Variants in RAD51 observed in about 807,000 individuals in gnomAD.
RAD51 encodes RAD51 recombinase.
A neutral mutation model predicts 41.5 loss-of-function variants in RAD51; 14 were observed. The observed-to-expected ratio is 0.34, with a 90% CI of 0.22 to 0.53. The LOEUF is 0.53. RAD51 is among the 20% of genes least tolerant of loss of function. The pLI is 0.95. For missense variants in RAD51, 234 were observed against 422.0 expected (o/e 0.55, Z 3.90); for synonymous variants, 136 against 148.6 (o/e 0.92, Z 0.62).
At chr15:40,718,944 A>G (rs769027039) in intron 6 of RAD51, 45 bp downstream of exon 6, 2 of 1,511,070 alleles carry the variant, frequency 1.3e-6, no homozygotes, top group Admixed American at 3.3e-5. Context: ...TACACTTATC[A>G]ATGTAGTGAT....
At chr15:40,701,299 C>T (rs529718860) in intron 3 of RAD51, 98 bp downstream of exon 3, 1 of 1,338,854 alleles carries the variant, frequency 7.5e-7, no homozygotes, top group African/African-American at 1.4e-5. Context: ...ATTCTTCGGT[C>T]ATCTCATTAT....
upstream of RAD51, chr15:40,694,890 GCGTTGC>G (rs1248184606): frequency 6.6e-6 from 1 of 152,186 alleles, no homozygotes; most frequent in Admixed American, 6.5e-5. Context: ...AGGAGTAGGG[GCGTTGC>G]CGTGGTTAGC....
intron 8 of RAD51, 25 bp from the exon 9 acceptor site, chr15:40,729,828 T>C (rs1567055883): frequency 5.0e-6 from 8 of 1,614,194 alleles, no homozygotes; most frequent in Non-Finnish European, 6.8e-6. Context: ...GGCCACAAAA[T>C]TGACATTTAT....
intron 6 of RAD51, among the ~76,000 whole-genome samples, chr15:40,720,377 C>T (rs57936990): frequency 0.098 from 14,844 of 151,980 alleles, 789 homozygotes; most frequent in East Asian, 0.15. Context: ...GCCACTGCAC[C>T]CGGCCTTAAT....
At chr15:40,696,614 C>A (rs558361060) in intron 1 of RAD51, among the ~76,000 whole-genome samples, 1 of 152,320 alleles carries the variant, frequency 6.6e-6, no homozygotes, top group Admixed American at 6.5e-5. Flanking sequence ...CCTCAGAAGC[C>A]TTCCTGTGTA....
intron 5 of RAD51, among the ~76,000 whole-genome samples, chr15:40,709,912 C>T (rs1895581729): frequency 6.6e-6 from 1 of 151,738 alleles, no homozygotes; most frequent in Non-Finnish European, 1.5e-5. Flanking sequence ...CCTGTAATCC[C>T]AGTACTTTGG....
intron 3 of RAD51, among the ~76,000 whole-genome samples, chr15:40,702,830 T>C (rs1026641741): frequency 1.1e-4 from 16 of 151,476 alleles, no homozygotes; most frequent in Admixed American, 2.6e-4. Context: ...TTTTTTTTTT[T>C]TTAAAGAAAA....
intron 3 of RAD51, chr15:40,701,776 ATTTTTTTT>A (rs35383252): frequency 2.5e-4 from 34 of 134,828 alleles, no homozygotes; most frequent in Middle Eastern, 3.0e-3. Flanking sequence ...TATAAAGCAG[ATTTTTTTT>A]TTTTTTTTTT....
At chr15:40,708,573 G>GTTTA (rs1376891888) in intron 4 of RAD51, among the ~76,000 whole-genome samples, 9 of 149,870 alleles carry the variant, frequency 6.0e-5, no homozygotes, top group African/African-American at 2.2e-4. Context: ...AATACTTTTG[G>GTTTA]TTTATTTGTT....
At chr15:40,730,065 A>C in intron 9 of RAD51, 91 bp downstream of exon 9, 2 of 1,522,634 alleles carry the variant, frequency 1.3e-6, no homozygotes, top group Non-Finnish European at 1.8e-6. Context: ...AAGCCCTGTT[A>C]AAGCTACTGT....
chr15:40,718,796 T>C lies in RAD51; in HGVS notation c.436-9T>C. On this transcript the variant is annotated splice_polypyrimidine_tract_variant and intron_variant, in intron 5 of 9. Coordinates refer to ENST00000267868, the MANE Select transcript of RAD51 (RefSeq NM_002875.5). ...TGTTCATTTCTACTGTTGTTTTTGT[T>C]CTCTATAGCTTCCCATTGACCGGGG... 6.3e-7 allele frequency: 1 copy of C among 1,593,462 alleles called. No individual in the cohort carries two copies. Among genetic ancestry groups the C allele is most frequent in the Non-Finnish European group, 8.6e-7 (1 of 1,161,346 alleles).
chr15:40,697,679 G>A (rs1024379926), intron 1 of RAD51, among the ~76,000 whole-genome samples: 1 of 142,780 alleles, frequency 7.0e-6, no homozygotes, highest in Non-Finnish European at 1.5e-5. Flanking sequence ...CTGGGTTCAC[G>A]CCATTCTCCT....
intron 5 of RAD51, among the ~76,000 whole-genome samples, chr15:40,714,154 C>A (rs1895869432): frequency 6.6e-6 from 1 of 151,864 alleles, no homozygotes; most frequent in Non-Finnish European, 1.5e-5. Flanking sequence ...GAAGAAAGAG[C>A]TGAGGGGGAG....
In RAD51 at chr15:40,723,330, A is replaced by G. The variant is rs149781160; in HGVS notation, c.530+4431A>G. Among the ~76,000 whole-genome samples, 288 of 152,282 alleles carry G rather than the reference A, an allele frequency of 1.9e-3. 2 individuals are homozygous for G. The highest frequency in any genetic ancestry group is 6.7e-3 in the African/African-American group (279 of 41,566). On this transcript the variant is annotated intron_variant, in intron 6 of 9. Transcript: ENST00000267868. ...TATAAATTTACCATATGATGCAGCAATTTCACTCTAGTTATATACCCCAAG... is the reference window on the plus strand; with the variant it reads ...TATAAATTTACCATATGATGCAGCAGTTTCACTCTAGTTATATACCCCAAG...
chr15:40,695,427 T>A lies in RAD51; in HGVS notation c.-3+2T>A, dbSNP rs1567034639. ...GAGAGAGGAGCGCTGCGGACCGAGG[T>A]GAGTGTGTGAGGCGCAGGCTGGGCC... On this transcript the variant is annotated splice_donor_variant, in intron 1 of 9. Coordinates refer to ENST00000267868, the MANE Select transcript of RAD51 (RefSeq NM_002875.5). LOFTEE classifies it low-confidence loss of function (5UTR_SPLICE). The A allele has an allele frequency of 6.6e-6, 1 of 151,728 alleles. No homozygotes were observed. The highest frequency in any genetic ancestry group is 2.4e-5 in the African/African-American group (1 of 41,180). The allele number at this position is 151,728 out of a possible 1,614,324, so 9.4% of individuals were successfully genotyped here.
chr15:40,701,271 T>C lies in RAD51; in HGVS notation c.225+70T>C, dbSNP rs45520145. 2.9e-5 allele frequency: 45 copies of C among 1,527,924 alleles called. No individual in the cohort carries two copies. In the Admixed American group the frequency reaches 7.4e-4, roughly 25 times the overall value. The allele number at this position is 1,527,924 out of a possible 1,614,324, so 94.6% of individuals were successfully genotyped here. ...TACAAAAGGGAATGTAGTGAAAGAC[T>C]TCTTCCTTCTATCTCTTATTCTTCG... On this transcript the variant is annotated intron_variant, in intron 3 of 9. Coordinates refer to ENST00000267868, the MANE Select transcript of RAD51 (RefSeq NM_002875.5).
chr15:40,723,926 G>A (rs1387006573), intron 6 of RAD51, among the ~76,000 whole-genome samples: 1 of 152,174 alleles, frequency 6.6e-6, no homozygotes, highest in African/African-American at 2.4e-5. Flanking sequence ...AGGGTCAAAT[G>A]TGGTAATTTA....
intron 2 of RAD51, 92 bp downstream of exon 2, chr15:40,698,937 T>C: frequency 1.5e-6 from 2 of 1,319,404 alleles, no homozygotes; most frequent in Admixed American, 3.5e-5. Flanking sequence ...ATAGGTTTAC[T>C]ACCAAGGTCA....
intron 2 of RAD51, 135 bp from the exon 3 acceptor site, chr15:40,700,929 G>A (rs893436868): frequency 5.0e-5 from 15 of 297,438 alleles, no homozygotes; most frequent in Middle Eastern, 8.1e-4. Flanking sequence ...ATCTCCCCCC[G>A]CCCCCCCAAG....
Sources: allele counts gnomAD v4.1 joint callset (sites outside exome capture counted in the v4.1 genomes callset), GRCh38; gene constraint gnomAD v4.1.1; transcripts MANE v1.5; gene names NCBI Gene and HGNC (gene_info 2026-07-23, HGNC 2026-07-21).